Variants in BRF1 observed in about 807,000 individuals in gnomAD.
BRF1 encodes transcription factor IIIB 90 kDa subunit.
In BRF1, 59 loss-of-function variants were observed where a neutral mutation model predicts 81.7. The observed-to-expected ratio is 0.72, with a 90% CI of 0.59 to 0.90. BRF1 has a LOEUF of 0.90. Among genes scored for constraint, BRF1 ranks in the 40% least tolerant of loss-of-function variants. The pLI, the probability that BRF1 is intolerant of heterozygous loss-of-function variation, is 0.00. For missense variants in BRF1, 1,050 were observed against 936.3 expected (o/e 1.12, Z -1.58); for synonymous variants, 491 against 395.6 (o/e 1.24, Z -2.86).
chr14:105,267,648 C>T (rs2056479499), intron 3 of BRF1, among the ~76,000 whole-genome samples: 1 of 152,138 alleles, frequency 6.6e-6, no homozygotes, highest in Non-Finnish European at 1.5e-5. Flanking sequence ...ATGATGTGTG[C>T]ACCATTTGAT....
intron 2 of BRF1, among the ~76,000 whole-genome samples, chr14:105,285,704 A>T (rs2057289631): frequency 6.6e-6 from 1 of 152,264 alleles, no homozygotes; most frequent in Admixed American, 6.5e-5. Flanking sequence ...AAAGGATACC[A>T]GCGAAAAATA....
chr14:105,312,368 G>C (rs922618813), intron 1 of BRF1, among the ~76,000 whole-genome samples: 1 of 152,172 alleles, frequency 6.6e-6, no homozygotes. Flanking sequence ...CGGGGACCCC[G>C]GGCAGCACGT....
At position 105,249,953 on chromosome 14, in the gene BRF1, G is replaced by A. The variant is rs148972195; in HGVS notation, c.544+2554C>T. 218 of 1,612,148 alleles carry A rather than the reference G, an allele frequency of 1.4e-4. 3 individuals are homozygous for A. The South Asian group carries it at 1.5e-3, about 11-fold the overall frequency. ...GGAGGCCCTCAACACCAAAGAGGCG[G>A]TGGTCTTCGAGGCCGTCCTGAACTG... On this transcript the variant is annotated intron_variant, in intron 5 of 17. Transcript: ENST00000547530.
At chr14:105,263,494 A>G (rs956185726) in intron 3 of BRF1, among the ~76,000 whole-genome samples, 2 of 152,156 alleles carry the variant, frequency 1.3e-5, no homozygotes, top group Non-Finnish European at 2.9e-5. Context: ...AAAAGAGCCG[A>G]GCAGGAAGTT....
upstream of BRF1, among the ~76,000 whole-genome samples, chr14:105,304,376 T>C (rs2058119343): frequency 6.6e-6 from 1 of 152,014 alleles, no homozygotes; most frequent in African/African-American, 2.4e-5. Flanking sequence ...TAGTTCCAGC[T>C]ACTCGGGAGG....
intron 5 of BRF1, 93 bp downstream of exon 5, chr14:105,252,414 G>C: frequency 1.3e-6 from 2 of 1,509,916 alleles, no homozygotes; most frequent in Non-Finnish European, 1.8e-6. Context: ...CCCATGCTTG[G>C]ACAGGATTTC....
At position 105,219,247 on chromosome 14, in the gene BRF1, G is replaced by A; in HGVS notation, c.1378-15C>T. The A allele has an allele frequency of 1.2e-6, 2 of 1,609,352 alleles. No individual in the cohort carries two copies. The highest frequency in any genetic ancestry group is 1.1e-5 in the South Asian group (1 of 91,034). ...TTCAGGATGTACTGGGCGAGCACAG[G>A]GAAGTGGGGCTGGCTTTTAGCCTTC... is the stretch of plus-strand genomic sequence containing the variant. On this transcript the variant is annotated splice_polypyrimidine_tract_variant and intron_variant, in intron 12 of 17. Transcript: ENST00000547530.
chr14:105,252,410 C>T, intron 5 of BRF1, 97 bp downstream of exon 5: 1 of 1,503,500 alleles, frequency 6.7e-7, no homozygotes, highest in Non-Finnish European at 8.9e-7. Context: ...GGGTCCCATG[C>T]TTGGACAGGA....
At chr14:105,216,657 T>A (rs1247054325) in intron 15 of BRF1, among the ~76,000 whole-genome samples, 1 of 151,972 alleles carries the variant, frequency 6.6e-6, no homozygotes, top group African/African-American at 2.4e-5. Context: ...GCCTAGCAGC[T>A]CAAAAGGCCA....
Position 105,300,467 on chromosome 14 carries a change from C to A in BRF1, c.163G>T (p.Gly55Cys). ...TCACCGTCCAGGGACACGAACTGGC[C>A]CACGGCCGAGGAGCCGCCGCCGCTG... ...ESSGGGSSAV[G>C]QFVSLDGAGK... Residue 55 changes from glycine to cysteine, a missense_variant, in exon 1 of 18, where the codon GGC (glycine) becomes TGC (cysteine). Physicochemically the swap from Gly to Cys is radical, Grantham distance 159. This residue lies in a region of BRF1 where 1,043 missense variants were observed against 915.4 expected (regional missense o/e 1.14). Transcript: ENST00000547530. 1 of 1,532,790 alleles carries A rather than the reference C, an allele frequency of 6.5e-7. No homozygotes were observed. The highest frequency in any genetic ancestry group is 1.2e-5 in the South Asian group (1 of 82,852). 94.9% of individuals were successfully genotyped at this position (1,532,790 alleles called of 1,614,324 possible). A position where few individuals can be genotyped will look rare whatever the true frequency, so the allele number is the denominator to read the frequency against.
In BRF1 at chr14:105,256,499, C is replaced by G. The variant is rs1276251718; in HGVS notation, c.471+19G>C. 6.2e-7 allele frequency: 1 copy of G among 1,614,154 alleles called. No homozygotes were observed. Among genetic ancestry groups the G allele is most frequent in the East Asian group, 2.2e-5 (1 of 44,886 alleles). Reference sequence around the variant, plus strand: ...TCACAACCCCAGGTGGGGAAAGATGCAGGACGGAGGCTGTCTACCTGGAGC... The same window carrying G: ...TCACAACCCCAGGTGGGGAAAGATGGAGGACGGAGGCTGTCTACCTGGAGC... On this transcript the variant is annotated intron_variant, in intron 4 of 17. Coordinates refer to ENST00000547530, the MANE Select transcript of BRF1 (RefSeq NM_001519.4).
intron 3 of BRF1, among the ~76,000 whole-genome samples, chr14:105,270,140 C>T (rs1053781451): frequency 5.9e-5 from 9 of 151,500 alleles, no homozygotes; most frequent in East Asian, 2.0e-4. Context: ...AACACTTTTA[C>T]GCAGAAATGA....
chr14:105,219,689 A>G (rs368588351), intron 12 of BRF1: 185 of 401,978 alleles, frequency 4.6e-4, no homozygotes, highest in African/African-American at 2.9e-3. Context: ...GCTGGTCCCA[A>G]TGGCTGGAAG....
Position 105,217,652 on chromosome 14 carries a change from T to C in BRF1, c.1664A>G (p.His555Arg). The C allele has an allele frequency of 1.2e-6, 2 of 1,613,306 alleles. No homozygotes were observed. The highest frequency in any genetic ancestry group is 1.7e-6 in the Non-Finnish European group (2 of 1,180,018). Reference protein sequence around the residue: ...GLSSAGGGSPHREDAQPEHSA... With the variant: ...GLSSAGGGSPRREDAQPEHSA... ...ATGCTCGGGCTGTGCATCCTCCCTG[T>C]GCGGACTGCCCCCGCCGGCGCTGCT... Residue 555 changes from histidine (H) to arginine (R), a missense_variant, in exon 15 of 18, where the codon CAC becomes CGC. Around this residue, in one of 2 missense-constraint regions of BRF1, gnomAD observed 1,043 missense variants for 915.4 expected, o/e 1.14. Transcript: ENST00000547530.
In BRF1 at chr14:105,249,532, G is replaced by C. The variant is rs202185668; in HGVS notation, c.544+2975C>G. ...GTGGGTCCGTTTTAGGCGGCCTCCGGAGGCTTCTGAAGGGAAGCACACAGG... is the reference window on the plus strand; with the variant it reads ...GTGGGTCCGTTTTAGGCGGCCTCCGCAGGCTTCTGAAGGGAAGCACACAGG... On this transcript the variant is annotated intron_variant, in intron 5 of 17. Transcript: ENST00000547530. 1.0e-4 allele frequency: 164 copies of C among 1,603,098 alleles called. No individual in the cohort carries two copies. The East Asian group carries it at 3.5e-3, about 34-fold the overall frequency.
intron 2 of BRF1, among the ~76,000 whole-genome samples, chr14:105,279,488 T>C (rs2056981087): frequency 6.6e-6 from 1 of 152,048 alleles, no homozygotes; most frequent in African/African-American, 2.4e-5. Context: ...GGAAAGCGAA[T>C]TAATGCCGCA....
At chr14:105,272,655 T>C in intron 3 of BRF1, 66 bp downstream of exon 3, 3 of 1,504,464 alleles carry the variant, frequency 2.0e-6, no homozygotes, top group South Asian at 1.3e-5. Flanking sequence ...CAAGTCCCAA[T>C]ATTCGAGGGG....
At chr14:105,289,954 G>A (rs587629248) in intron 1 of BRF1, among the ~76,000 whole-genome samples, 5 of 152,172 alleles carry the variant, frequency 3.3e-5, no homozygotes, top group South Asian at 2.1e-4. Context: ...CTAAGCGTTC[G>A]AATTAAGATC....
intron 1 of BRF1, among the ~76,000 whole-genome samples, chr14:105,287,812 T>C (rs1416818945): frequency 1.3e-5 from 2 of 152,184 alleles, no homozygotes; most frequent in Non-Finnish European, 2.9e-5. Context: ...AAAAAGGAAT[T>C]AGAGCAGCCA....
Sources: gnomAD v4.1 joint callset for allele counts (sites outside exome capture counted in the v4.1 genomes callset) on GRCh38, gnomAD v4.1.1 for gene constraint, gnomAD v4.1.1 regional missense constraint, MANE v1.5 for transcripts, NCBI Gene and HGNC (gene_info 2026-07-23, HGNC 2026-07-21) for gene names.